Variants in CACNB2 observed in about 807,000 individuals in gnomAD.
CACNB2 encodes the protein voltage-dependent L-type calcium channel subunit beta-2.
CACNB2 carries 42 observed loss-of-function variants against 73.3 expected under a neutral mutation model. The observed-to-expected ratio is 0.57, with a 90% CI of 0.45 to 0.74. The LOEUF (loss-of-function observed/expected upper bound fraction) is 0.74, where lower values mean the gene tolerates loss of function less well. Ranked by LOEUF, CACNB2 falls within the 30% of genes least tolerant of loss-of-function variation. The pLI is 0.00. For synonymous variants in CACNB2, 348 were observed against 310.3 expected, an observed-to-expected ratio of 1.12 and a Z score of -1.28; for missense variants, 940 against 853.0, an observed-to-expected ratio of 1.10 and a Z score of -1.27.
chr10:18,232,866 T>C (rs2036275134), intron 2 of CACNB2, among the ~76,000 whole-genome samples: 1 of 152,168 alleles, frequency 6.6e-6, no homozygotes, highest in Non-Finnish European at 1.5e-5. Context: ...GACAGGCAGA[T>C]GGCTTGAGCC....
At chr10:18,232,803 A>G (rs974040314) in intron 2 of CACNB2, among the ~76,000 whole-genome samples, 15 of 152,190 alleles carry the variant, frequency 9.9e-5, no homozygotes, top group African/African-American at 3.6e-4. Context: ...AATAGCTTAG[A>G]GAGGCTGGGT....
chr10:18,403,335 C>T (rs1214017033), intron 3 of CACNB2, among the ~76,000 whole-genome samples: 1 of 152,180 alleles, frequency 6.6e-6, no homozygotes, highest in Non-Finnish European at 1.5e-5. Flanking sequence ...TAATGTATGA[C>T]AGTCTGCATT....
At chr10:18,383,929 C>T (rs2043120523) in intron 2 of CACNB2, among the ~76,000 whole-genome samples, 1 of 152,144 alleles carries the variant, frequency 6.6e-6, no homozygotes, top group African/African-American at 2.4e-5. Context: ...TGGTCTCAAA[C>T]TCCTGACTTC....
At chr10:18,187,424 C>A (rs886664218) in intron 2 of CACNB2, among the ~76,000 whole-genome samples, 5 of 152,112 alleles carry the variant, frequency 3.3e-5, no homozygotes, top group African/African-American at 4.8e-5. Flanking sequence ...CTAAAATATG[C>A]TGTTATGTAT....
intron 2 of CACNB2, among the ~76,000 whole-genome samples, chr10:18,278,157 G>A: frequency 6.6e-6 from 1 of 152,142 alleles, no homozygotes; most frequent in East Asian, 1.9e-4. Flanking sequence ...CATACATCAT[G>A]ACGAAAGAAA....
intron 2 of CACNB2, among the ~76,000 whole-genome samples, chr10:18,258,891 ATT>A (rs60473856): frequency 1.2e-3 from 173 of 147,730 alleles, no homozygotes; most frequent in Admixed American, 2.4e-3. Context: ...ATGGTGAGGG[ATT>A]TTTTTTTTTT....
chr10:18,374,100 A>G (rs1424695317), intron 2 of CACNB2, among the ~76,000 whole-genome samples: 1 of 152,270 alleles, frequency 6.6e-6, no homozygotes, highest in Non-Finnish European at 1.5e-5. Context: ...AAGAAGCTAT[A>G]CAGTGATTAA....
At chr10:18,478,480 A>T (rs1000885986) in intron 3 of CACNB2, among the ~76,000 whole-genome samples, 4 of 152,194 alleles carry the variant, frequency 2.6e-5, no homozygotes, top group African/African-American at 7.2e-5. Context: ...GTTGAGTGTG[A>T]AATGTGTGGG....
intron 2 of CACNB2, among the ~76,000 whole-genome samples, chr10:18,271,809 T>C (rs1588901963): frequency 6.6e-6 from 1 of 152,324 alleles, no homozygotes; most frequent in Middle Eastern, 3.4e-3. Flanking sequence ...TTCTCTTCTG[T>C]TTGAATCATC....
chr10:18,391,925 C>CAA (rs34698093), intron 2 of CACNB2, among the ~76,000 whole-genome samples: 21,555 of 84,272 alleles, frequency 0.26, 3,638 homozygotes, highest in East Asian at 0.68. Context: ...AAGACCCTGT[C>CAA]AAAAAAAAAA....
intron 2 of CACNB2, among the ~76,000 whole-genome samples, chr10:18,292,849 A>G (rs1420012326): frequency 6.6e-6 from 1 of 152,156 alleles, no homozygotes; most frequent in Admixed American, 6.5e-5. Flanking sequence ...TCTATTCTGT[A>G]CAGAAAGTTG....
chr10:18,518,981 G>T lies in CACNB2; in HGVS notation c.944+13G>T, dbSNP rs1257248385. On this transcript the variant is annotated intron_variant, in intron 9 of 13. Transcript: ENST00000324631. Reference sequence around the variant, plus strand: ...GATTTGAAGGGCGGTGAGTATTTCAGCATACTGGGTTTTGTGGATTTTGTC... The same window carrying T: ...GATTTGAAGGGCGGTGAGTATTTCATCATACTGGGTTTTGTGGATTTTGTC... 2 of 1,612,498 alleles carry T rather than the reference G, an allele frequency of 1.2e-6. No homozygotes were observed. Among genetic ancestry groups the T allele is most frequent in the Non-Finnish European group, 1.7e-6 (2 of 1,178,726 alleles).
chr10:18,452,383 G>T (rs1279317552), intron 3 of CACNB2, among the ~76,000 whole-genome samples: 1 of 152,076 alleles, frequency 6.6e-6, no homozygotes, highest in Non-Finnish European at 1.5e-5. Context: ...AGTCATGATG[G>T]TACCACTGCA....
At chr10:18,507,459 G>A (rs2050552958) in intron 6 of CACNB2, among the ~76,000 whole-genome samples, 1 of 152,150 alleles carries the variant, frequency 6.6e-6, no homozygotes, top group Non-Finnish European at 1.5e-5. Context: ...TAATTTACTA[G>A]TTTAAGTACA....
At chr10:18,310,117 G>T (rs900672459) in intron 2 of CACNB2, among the ~76,000 whole-genome samples, 1 of 151,326 alleles carries the variant, frequency 6.6e-6, no homozygotes, top group South Asian at 2.1e-4. Context: ...TTCAACTTGC[G>T]TGCTACAGGT....
intron 3 of CACNB2, among the ~76,000 whole-genome samples, chr10:18,455,033 A>G (rs572791073): frequency 5.1e-5 from 6 of 118,154 alleles, no homozygotes; most frequent in South Asian, 3.6e-4. Context: ...GTGAGACCCA[A>G]TCTCTTAAAA....
chr10:18,293,546 C>T (rs1399431292), intron 2 of CACNB2, among the ~76,000 whole-genome samples: 1 of 152,202 alleles, frequency 6.6e-6, no homozygotes, highest in Admixed American at 6.5e-5. Context: ...AAACATTAAG[C>T]TCAGACTCTA....
chr10:18,152,723 A>C (rs548061112), intron 2 of CACNB2, among the ~76,000 whole-genome samples: 9,486 of 131,570 alleles, frequency 0.072, 500 homozygotes, highest in Non-Finnish European at 0.11. Context: ...AAAAAAAAAA[A>C]AAAAAAAAAC....
At chr10:18,208,214 C>T (rs2035174367) in intron 2 of CACNB2, among the ~76,000 whole-genome samples, 1 of 152,152 alleles carries the variant, frequency 6.6e-6, no homozygotes, top group Non-Finnish European at 1.5e-5. Flanking sequence ...TGCCTGTAAC[C>T]TCAGCACTTT....
Sources: gnomAD v4.1 joint callset for allele counts (sites outside exome capture counted in the v4.1 genomes callset) on GRCh38, gnomAD v4.1.1 for gene constraint, MANE v1.5 for transcripts, NCBI Gene and HGNC (gene_info 2026-07-23, HGNC 2026-07-21) for gene names.